PDXDC1: variants seen among roughly 807,000 people sequenced by gnomAD.
The protein encoded by PDXDC1 is pyridoxal-dependent decarboxylase domain-containing protein 1.
PDXDC1 carries 42 observed loss-of-function variants against 100.1 expected under a neutral mutation model. The observed-to-expected ratio is 0.42, with a 90% confidence interval of 0.33 to 0.54. The LOEUF is 0.54. PDXDC1 is among the 20% of genes least tolerant of loss of function. The pLI is 0.10. For missense variants in PDXDC1, 636 were observed against 979.2 expected (o/e 0.65, Z 4.68); for synonymous variants, 260 against 371.7 (o/e 0.70, Z 3.46).
chr16:15,000,188 G>A (rs1404117321), intron 3 of PDXDC1, among the ~76,000 whole-genome samples: 1 of 152,298 alleles, frequency 6.6e-6, no homozygotes, highest in Non-Finnish European at 1.5e-5. Context: ...TTTTCCCAGG[G>A]GAGATACTCC....
At chr16:15,080,471 C>G (rs554521105) in intron 16 of PDXDC1, among the ~76,000 whole-genome samples, 1 of 152,276 alleles carries the variant, frequency 6.6e-6, no homozygotes, top group South Asian at 2.1e-4. Flanking sequence ...GTCTTGCTCT[C>G]TCTCTCAGGA....
At chr16:15,122,894 T>G in intron 16 of PDXDC1, among the ~76,000 whole-genome samples, 2 of 131,874 alleles carry the variant, frequency 1.5e-5, no homozygotes, top group East Asian at 2.3e-4. Flanking sequence ...AGGGGGCTGT[T>G]GGGTACCTGG....
intron 14 of PDXDC1, among the ~76,000 whole-genome samples, chr16:15,027,381 C>T (rs1442224115): frequency 1.1e-3 from 173 of 152,376 alleles, no homozygotes; most frequent in Non-Finnish European, 2.8e-4. Context: ...CCTAAGGCTC[C>T]AGCGGGCATG....
At chr16:15,094,303 C>T (rs1462869769) in intron 16 of PDXDC1, 6 of 1,346,960 alleles carry the variant, frequency 4.5e-6, no homozygotes, top group Admixed American at 4.4e-5. Context: ...AGCCTCTGTC[C>T]CGGAAGTTGC....
chr16:15,082,145 A>G (rs1171036172), intron 16 of PDXDC1, among the ~76,000 whole-genome samples: 2 of 152,136 alleles, frequency 1.3e-5, no homozygotes, highest in Admixed American at 1.3e-4. Flanking sequence ...AAGAGCGGAC[A>G]TCCTTGTTTT....
intron 8 of PDXDC1, among the ~76,000 whole-genome samples, chr16:15,012,297 G>T (rs1289179935): frequency 2.6e-5 from 4 of 151,666 alleles, no homozygotes; most frequent in Admixed American, 2.0e-4. Flanking sequence ...TGGAGATGGA[G>T]TTTCACCGTG....
chr16:15,128,809 T>C (rs1770940411), intron 16 of PDXDC1, among the ~76,000 whole-genome samples: 1 of 140,936 alleles, frequency 7.1e-6, no homozygotes, highest in Non-Finnish European at 1.5e-5. Context: ...GTGACAGTAT[T>C]TTTTTTTTTT....
At position 15,035,566 on chromosome 16, in the gene PDXDC1, T is replaced by C. The variant is rs1038689137; in HGVS notation, c.2107+13T>C. 5.2e-6 allele frequency: 8 copies of C among 1,536,400 alleles called. No homozygotes were observed. The Admixed American group carries it at 1.4e-4, about 28-fold the overall frequency. On this transcript the variant is annotated intron_variant, in intron 22 of 22. Coordinates refer to ENST00000396410, the MANE Select transcript of PDXDC1 (RefSeq NM_015027.4). ...CAGAGGCTTCCAGGTAAGTGACGCC[T>C]CTGCACCGAGTTCAGGTAACAGGTT...
chr16:15,109,198 A>G (rs1167902758), intron 16 of PDXDC1: 1 of 149,252 alleles, frequency 6.7e-6, no homozygotes, highest in Non-Finnish European at 1.5e-5. Flanking sequence ...TAATATGACC[A>G]AAACATGAAA....
chr16:15,084,426 G>C (rs539152850), intron 16 of PDXDC1, among the ~76,000 whole-genome samples: 1 of 152,016 alleles, frequency 6.6e-6, no homozygotes, highest in Non-Finnish European at 1.5e-5. Context: ...AAAATTGGGG[G>C]AGGATCTGCA....
rs1315520532 is a variant in PDXDC1, at chr16:15,104,861, T to C, written c.1400-34018T>C. Reference sequence around the variant, plus strand: ...CCTTCTGTTGCTGGTGATAGATTTTTGCACCTTTCCATCCTCCAGGTTTCA... The same window carrying C: ...CCTTCTGTTGCTGGTGATAGATTTTCGCACCTTTCCATCCTCCAGGTTTCA... On this transcript the variant is annotated intron_variant, in intron 16 of 16. Coordinates refer to the PDXDC1 transcript ENST00000535621. 8 of 1,518,254 alleles carry C rather than the reference T, an allele frequency of 5.3e-6. No homozygotes were observed. The South Asian group carries it at 8.8e-5, about 17-fold the overall frequency. The allele number at this position is 1,518,254 out of a possible 1,614,324, so 94.0% of individuals were successfully genotyped here. A position where few individuals can be genotyped will look rare whatever the true frequency, so the allele number is the denominator to read the frequency against.
intron 16 of PDXDC1, among the ~76,000 whole-genome samples, chr16:15,087,946 C>G (rs1410720347): frequency 6.6e-6 from 1 of 151,872 alleles, no homozygotes; most frequent in Admixed American, 6.6e-5. Context: ...GAAACCCCGT[C>G]TCTACTAAAA....
chr16:15,070,344 A>G, intron 16 of PDXDC1: 1 of 1,109,956 alleles, frequency 9.0e-7, no homozygotes, highest in Non-Finnish European at 1.3e-6. Context: ...ATTACAAACC[A>G]TGCTAAGTAA....
chr16:15,125,420 C>T, intron 16 of PDXDC1: 1 of 820,812 alleles, frequency 1.2e-6, no homozygotes, highest in Non-Finnish European at 2.1e-6. Flanking sequence ...GGCTTCCGAG[C>T]AAACCTGCTC....
Position 15,005,616 on chromosome 16 carries a change from C to A in PDXDC1, c.390-778C>A, listed in dbSNP as rs372014403. Among the ~76,000 whole-genome samples the A allele has an allele frequency of 3.9e-5, 6 of 152,410 alleles. No individual in the cohort carries two copies. In the South Asian group the frequency reaches 1.2e-3, roughly 32 times the overall value. ...AGTGTTCTGTTGTTCTAGTAAAAAT[C>A]TACTGCCTGTAATTGAAATTGTCCA... is the stretch of plus-strand genomic sequence containing the variant. On this transcript the variant is annotated intron_variant, in intron 5 of 22. Transcript: ENST00000396410.
intron 13 of PDXDC1, 151 bp from the exon 14 acceptor site, chr16:15,026,492 T>G: frequency 2.9e-6 from 2 of 687,226 alleles, no homozygotes. Context: ...ACATTTGATT[T>G]TTCTCTAGCA....
At chr16:15,001,078 G>A (rs1311288979) in intron 3 of PDXDC1, among the ~76,000 whole-genome samples, 3 of 152,238 alleles carry the variant, frequency 2.0e-5, no homozygotes, top group Admixed American at 6.5e-5. Context: ...CTGGTGGCTG[G>A]GCAAGGTGGC....
intron 16 of PDXDC1, chr16:15,070,367 C>A: frequency 1.4e-6 from 1 of 710,352 alleles, no homozygotes; most frequent in South Asian, 1.9e-5. Context: ...TCATAGGTTT[C>A]TTTAAATAAT....
intron 16 of PDXDC1, among the ~76,000 whole-genome samples, chr16:15,066,875 C>T (rs901689950): frequency 6.6e-5 from 10 of 152,006 alleles, no homozygotes; most frequent in South Asian, 2.1e-4. Context: ...AGCCTCACAT[C>T]GCATCACACT....
Sources: gnomAD v4.1 joint callset for allele counts (sites outside exome capture counted in the v4.1 genomes callset) on GRCh38, gnomAD v4.1.1 for gene constraint, MANE v1.5 for transcripts, NCBI Gene and HGNC (gene_info 2026-07-23, HGNC 2026-07-21) for gene names.